IL7: variants seen among roughly 807,000 people sequenced by gnomAD.
The protein encoded by IL7 is interleukin 7.
A neutral mutation model predicts 21.6 loss-of-function variants in IL7; 3 were observed. The observed-to-expected ratio is 0.14, with a 90% CI of 0.06 to 0.36. The LOEUF (loss-of-function observed/expected upper bound fraction) is 0.36. Among genes scored for constraint, IL7 ranks in the 10% least tolerant of loss-of-function variants. The probability of loss-of-function intolerance (pLI) is 1.00; values close to 1 mark genes in which losing one functional copy is unlikely to be tolerated. For synonymous variants in IL7, 62 were observed against 68.1 expected (o/e 0.91, Z 0.44); for missense variants, 175 against 200.2 (o/e 0.87, Z 0.76).
At chr8:78,702,770 T>A (rs1810647073) in intron 3 of IL7, among the ~76,000 whole-genome samples, 2 of 152,224 alleles carry the variant, frequency 1.3e-5, no homozygotes, top group African/African-American at 4.8e-5. Flanking sequence ...TGTAGGGTTT[T>A]GAGTTAATTT....
chr8:78,738,309 C>T (rs545998305), intron 4 of IL7, among the ~76,000 whole-genome samples, 195 bp downstream of exon 4: 1 of 152,236 alleles, frequency 6.6e-6, no homozygotes, highest in South Asian at 2.1e-4. Context: ...ACAAACAATT[C>T]ACTCTAGCCA....
chr8:78,744,965 A>T (rs1020957272), intron 2 of IL7, among the ~76,000 whole-genome samples: 1 of 152,040 alleles, frequency 6.6e-6, no homozygotes. Context: ...TTTGTTTTCT[A>T]TGTTCTCCAT....
At chr8:78,709,794 T>C (rs1586028325) in intron 3 of IL7, among the ~76,000 whole-genome samples, 1 of 152,288 alleles carries the variant, frequency 6.6e-6, no homozygotes, top group East Asian at 1.9e-4. Flanking sequence ...CAAAGCCATC[T>C]TGGGTGGCAT....
downstream of IL7, among the ~76,000 whole-genome samples, chr8:78,728,925 T>A (rs1472284062): frequency 1.3e-5 from 2 of 151,976 alleles, no homozygotes; most frequent in Non-Finnish European, 2.9e-5. Context: ...GAATGCTTTT[T>A]ACTCCCTTTG....
chr8:78,717,735 T>C (rs1811151083), downstream of IL7: 3 of 285,826 alleles, frequency 1.0e-5, no homozygotes, highest in South Asian at 3.6e-4. Context: ...CACTTATCTG[T>C]CAGAAAATAA....
intron 3 of IL7, among the ~76,000 whole-genome samples, chr8:78,690,013 C>G (rs62518979): frequency 0.051 from 7,782 of 152,112 alleles, 280 homozygotes; most frequent in Middle Eastern, 0.082. Context: ...CTTTTGTTTT[C>G]TATGTGGATA....
At chr8:78,739,933 A>T (rs1279016933) in intron 3 of IL7, 69 bp downstream of exon 3, 56 of 1,374,526 alleles carry the variant, frequency 4.1e-5, no homozygotes, top group Non-Finnish European at 5.3e-5. Context: ...ATTGTCTAAC[A>T]GAGGCACAAA....
intron 2 of IL7, among the ~76,000 whole-genome samples, chr8:78,792,512 A>T (rs1164306659): frequency 6.6e-6 from 1 of 152,144 alleles, no homozygotes; most frequent in Non-Finnish European, 1.5e-5. Context: ...AGGAAAAAAT[A>T]TAATATCTGA....
intron 4 of IL7, chr8:78,685,821 C>T (rs571648762): frequency 5.3e-5 from 8 of 152,202 alleles, no homozygotes; most frequent in South Asian, 2.1e-4. Context: ...GTGTTAGTCT[C>T]TTTTCTGCTG....
intron 3 of IL7, among the ~76,000 whole-genome samples, chr8:78,726,919 CCTT>C (rs1811350029): frequency 1.3e-5 from 2 of 151,950 alleles, no homozygotes; most frequent in Non-Finnish European, 2.9e-5. Context: ...CTCATTTCCT[CCTT>C]CTTCAGTGTA....
At chr8:78,682,657 A>G (rs1192860633) in intron 4 of IL7, among the ~76,000 whole-genome samples, 1 of 152,162 alleles carries the variant, frequency 6.6e-6, no homozygotes, top group Non-Finnish European at 1.5e-5. Context: ...AAACCATATC[A>G]TTCTGTCCCT....
chr8:78,698,542 T>C (rs760410205), intron 3 of IL7: 3 of 1,454,282 alleles, frequency 2.1e-6, no homozygotes. Flanking sequence ...TAATTATTAG[T>C]GGTATATAAT....
chr8:78,788,852 A>G (rs922422130), intron 2 of IL7, among the ~76,000 whole-genome samples: 1 of 152,194 alleles, frequency 6.6e-6, no homozygotes, highest in Admixed American at 6.5e-5. Flanking sequence ...TAATAGATAC[A>G]TGTATTTCTT....
chr8:78,737,590 G>T (rs1331737785), intron 4 of IL7, among the ~76,000 whole-genome samples: 1 of 152,046 alleles, frequency 6.6e-6, no homozygotes, highest in Non-Finnish European at 1.5e-5. Flanking sequence ...GATAAATGAG[G>T]CTATCCAAGT....
At chr8:78,731,344 G>A (rs1003657723), downstream of IL7, among the ~76,000 whole-genome samples, 22 of 151,618 alleles carry the variant, frequency 1.5e-4, no homozygotes, top group African/African-American at 3.6e-4. Context: ...TATTAACCTC[G>A]TGTTAGGTTA....
chr8:78,759,715 T>G (rs144552676), intron 2 of IL7, among the ~76,000 whole-genome samples: 2,965 of 152,298 alleles, frequency 0.019, 86 homozygotes, highest in African/African-American at 0.061. Context: ...TTAACATACT[T>G]AAAACTCCTA....
intron 5 of IL7, chr8:78,720,996 A>G (rs1811226570): frequency 6.6e-6 from 1 of 151,970 alleles, no homozygotes; most frequent in Non-Finnish European, 1.5e-5. Context: ...TGTAAGGTGC[A>G]CAAAGCTAAA....
At position 78,740,089 on chromosome 8, in the gene IL7, T is replaced by C. The variant is rs1356181116; in HGVS notation, c.148-7A>G. On this transcript the variant is annotated splice_polypyrimidine_tract_variant and splice_region_variant and intron_variant, in intron 2 of 5. Transcript: ENST00000263851. Reference sequence around the variant, plus strand: ...CAATTTCTTTCATGCTGTCCTGTAATAAATAACATAAAATAATATGGTTAA... The same window carrying C: ...CAATTTCTTTCATGCTGTCCTGTAACAAATAACATAAAATAATATGGTTAA... 2.8e-6 allele frequency: 4 copies of C among 1,444,524 alleles called. No homozygotes were observed. The highest frequency in any genetic ancestry group is 1.8e-6 in the Non-Finnish European group (2 of 1,089,330). 89.5% of individuals were successfully genotyped at this position (1,444,524 alleles called of 1,614,324 possible).
chr8:78,743,805 TC>T (rs1811881526), intron 2 of IL7, among the ~76,000 whole-genome samples: 1 of 152,094 alleles, frequency 6.6e-6, no homozygotes, highest in Non-Finnish European at 1.5e-5. Flanking sequence ...CCTTTTTTTT[TC>T]CCCCTGGCAC....
Sources: gnomAD v4.1 joint callset for allele counts (sites outside exome capture counted in the v4.1 genomes callset) on GRCh38, gnomAD v4.1.1 for gene constraint, MANE v1.5 for transcripts, NCBI Gene and HGNC (gene_info 2026-07-23, HGNC 2026-07-21) for gene names.